The following OSBPL10 variants were observed in gnomAD, a reference collection of about 807,000 sequenced individuals.
OSBPL10 encodes the protein oxysterol binding protein like 10.
Under a neutral mutation model 81.7 loss-of-function variants are expected in OSBPL10, and 49 were observed. The ratio of observed to expected loss-of-function variants is 0.60; its 90% CI spans 0.48 to 0.76. The LOEUF (loss-of-function observed/expected upper bound fraction) is 0.76. Ranked by LOEUF, OSBPL10 falls within the 30% of genes least tolerant of loss-of-function variation. The pLI, the probability that OSBPL10 is intolerant of heterozygous loss-of-function variation, is 0.00. For synonymous variants in OSBPL10, 419 were observed against 383.6 expected (o/e 1.09, Z -1.08); for missense variants, 923 against 987.8 (o/e 0.93, Z 0.88).
chr3:31,895,290 C>T (rs895203753), intron 1 of OSBPL10, among the ~76,000 whole-genome samples: 4 of 151,660 alleles, frequency 2.6e-5, no homozygotes, highest in Non-Finnish European at 5.9e-5. Context: ...CGTCACCACG[C>T]CCGGCTAATT....
intron 1 of OSBPL10, among the ~76,000 whole-genome samples, chr3:31,952,512 G>A (rs1004079273): frequency 3.3e-5 from 5 of 152,176 alleles, no homozygotes; most frequent in Non-Finnish European, 5.9e-5. Flanking sequence ...AGCAACTTGG[G>A]GCAGGAACCC....
At chr3:32,047,744 G>A (rs944314780) in intron 1 of OSBPL10, among the ~76,000 whole-genome samples, 1 of 151,352 alleles carries the variant, frequency 6.6e-6, no homozygotes, top group Admixed American at 6.6e-5. Flanking sequence ...CTCACTGCAA[G>A]CTCCGCCTCC....
At chr3:32,053,872 G>C (rs1699687443) in intron 1 of OSBPL10, among the ~76,000 whole-genome samples, 1 of 152,160 alleles carries the variant, frequency 6.6e-6, no homozygotes, top group African/African-American at 2.4e-5. Flanking sequence ...GCTGAGGCAA[G>C]AGAATCACTT....
At chr3:31,979,828 G>C (rs750973312) in intron 1 of OSBPL10, among the ~76,000 whole-genome samples, 3 of 151,728 alleles carry the variant, frequency 2.0e-5, no homozygotes, top group African/African-American at 4.8e-5. Context: ...CCCTTTCCTC[G>C]ACAGCCCCAT....
chr3:32,004,083 G>T (rs1362832551), intron 2 of OSBPL10, among the ~76,000 whole-genome samples: 2 of 152,162 alleles, frequency 1.3e-5, no homozygotes, highest in African/African-American at 2.4e-5. Flanking sequence ...GCAGTAGAAA[G>T]AATTTTAAAT....
At chr3:31,807,378 T>TAAAG (rs1699546470) in intron 4 of OSBPL10, among the ~76,000 whole-genome samples, 1 of 124,530 alleles carries the variant, frequency 8.0e-6, no homozygotes, top group African/African-American at 2.9e-5. Flanking sequence ...CTCAGAAAAA[T>TAAAG]AAATAAATAA....
chr3:32,053,592 A>G (rs2125435171), intron 1 of OSBPL10, among the ~76,000 whole-genome samples: 1 of 152,332 alleles, frequency 6.6e-6, no homozygotes, highest in South Asian at 2.1e-4. Flanking sequence ...ATGAATTTTC[A>G]TTAAGACCTG....
chr3:31,742,182 G>C (rs1697372899), intron 5 of OSBPL10, among the ~76,000 whole-genome samples: 1 of 152,218 alleles, frequency 6.6e-6, no homozygotes, highest in African/African-American at 2.4e-5. Context: ...AGAAAGCAAA[G>C]GAAGTCCCTG....
At chr3:31,879,206 C>T (rs1376710765) in intron 2 of OSBPL10, among the ~76,000 whole-genome samples, 1 of 152,142 alleles carries the variant, frequency 6.6e-6, no homozygotes, top group African/African-American at 2.4e-5. Flanking sequence ...GGCTCTACGA[C>T]AGTGGATTGA....
chr3:31,948,658 A>G (rs139240509), intron 1 of OSBPL10, among the ~76,000 whole-genome samples: 23 of 152,326 alleles, frequency 1.5e-4, no homozygotes, highest in African/African-American at 4.8e-4. Context: ...TGTGCATTCA[A>G]TGCACCCCAG....
At chr3:31,899,340 T>G (rs1352695795) in intron 1 of OSBPL10, among the ~76,000 whole-genome samples, 1 of 151,382 alleles carries the variant, frequency 6.6e-6, no homozygotes, top group Non-Finnish European at 1.5e-5. Context: ...AAGAAAAAAA[T>G]AGAATATAAA....
Position 31,922,542 on chromosome 3 carries a change from C to T in OSBPL10, c.282-42712G>A, listed in dbSNP as rs78414382. Among the ~76,000 whole-genome samples, 2,736 of 152,116 alleles carry T rather than the reference C, an allele frequency of 0.018. 263 individuals are homozygous for T. The East Asian group carries it at 0.28, about 16-fold the overall frequency. ...CTGAGGCAAGAGAATCGCTTGAACC[C>T]GGGAGGCGGAGGTTGCAGTTAGCCT... On this transcript the variant is annotated intron_variant, in intron 1 of 11. Transcript: ENST00000396556.
intron 2 of OSBPL10, among the ~76,000 whole-genome samples, chr3:31,998,343 T>C (rs1699111440): frequency 6.6e-6 from 1 of 152,194 alleles, no homozygotes; most frequent in African/African-American, 2.4e-5. Flanking sequence ...ACTCACCCTT[T>C]GAATGAAAAC....
At chr3:31,667,047 C>A (rs1403377359) in intron 10 of OSBPL10, among the ~76,000 whole-genome samples, 1 of 152,204 alleles carries the variant, frequency 6.6e-6, no homozygotes, top group East Asian at 1.9e-4. Context: ...CATAGGCTAA[C>A]AAGCAACAAA....
At position 32,064,626 on chromosome 3, in the gene OSBPL10, G is replaced by T. The variant is rs1473401232; in HGVS notation, n.185+12770C>A. On this transcript the variant is annotated intron_variant and non_coding_transcript_variant, in intron 1 of 3. Transcript: ENST00000479173. Reference sequence around the variant, plus strand: ...AGACGATTATAAAAGTTGTTCATCAGGCATTCTCATTGGTTTACAGAAATA... The same window carrying T: ...AGACGATTATAAAAGTTGTTCATCATGCATTCTCATTGGTTTACAGAAATA... Among the ~76,000 whole-genome samples, 10 of 93,682 alleles carry T rather than the reference G, an allele frequency of 1.1e-4. 3 individuals carry two copies. The highest frequency in any genetic ancestry group is 2.9e-4 in the Non-Finnish European group (10 of 34,862). 61.5% of individuals were successfully genotyped at this position (93,682 alleles called of 152,430 possible).
At chr3:31,667,104 A>G (rs9828638) in intron 10 of OSBPL10, among the ~76,000 whole-genome samples, 3,358 of 152,356 alleles carry the variant, frequency 0.022, 119 homozygotes, top group African/African-American at 0.075. Flanking sequence ...CCTTGGAAGA[A>G]AAGTAGCAGG....
At chr3:31,872,667 G>A in intron 3 of OSBPL10, among the ~76,000 whole-genome samples, 1 of 148,682 alleles carries the variant, frequency 6.7e-6, no homozygotes, top group South Asian at 2.1e-4. Context: ...TGTCACCCAG[G>A]CTGGAGTACA....
chr3:31,914,979 C>G lies in OSBPL10; in HGVS notation c.282-35149G>C, dbSNP rs546756272. Among the ~76,000 whole-genome samples the G allele has an allele frequency of 2.6e-5, 4 of 152,058 alleles. No individual in the cohort carries two copies. The East Asian group carries it at 7.7e-4, about 29-fold the overall frequency. On this transcript the variant is annotated intron_variant, in intron 1 of 11. Transcript: ENST00000396556. The stretch of plus-strand genomic sequence containing the variant: ...TGTTTTGTTTGGTTTTGTTTTTTCC[C>G]TTTGAGACAGAGTCTCACTCTGTCG...
At chr3:31,787,723 C>CTAGATTGGTTCACAGTCTA (rs1311948217) in intron 4 of OSBPL10, among the ~76,000 whole-genome samples, 1 of 152,162 alleles carries the variant, frequency 6.6e-6, no homozygotes, top group African/African-American at 2.4e-5. Context: ...CCACTCAGTC[C>CTAGATTGGTTCACAGTCTA]TAGATTGGTT....
Sources: allele counts gnomAD v4.1 joint callset (sites outside exome capture counted in the v4.1 genomes callset), GRCh38; gene constraint gnomAD v4.1.1; transcripts MANE v1.5; gene names NCBI Gene and HGNC (gene_info 2026-07-23, HGNC 2026-07-21).